Variants in LNPK observed in about 807,000 individuals in gnomAD.
LNPK encodes endoplasmic reticulum junction formation protein lunapark.
In LNPK, 29 loss-of-function variants were observed where a neutral mutation model predicts 55.2. The observed-to-expected ratio is 0.53, with a 90% confidence interval of 0.39 to 0.72. The LOEUF (loss-of-function observed/expected upper bound fraction) is 0.72, where lower values mean the gene tolerates loss of function less well. LNPK is among the 30% of genes least tolerant of loss of function. LNPK has a pLI of 0.00. For synonymous variants in LNPK, 162 were observed against 168.2 expected (o/e 0.96, Z 0.29); for missense variants, 467 against 494.8 (o/e 0.94, Z 0.53).
chr2:175,994,319 C>T lies in LNPK; in HGVS notation c.28-1096G>A, dbSNP rs2105363555. 7.1e-6 allele frequency: 7 copies of T among 984,364 alleles called. No homozygotes were observed. In the South Asian group the frequency reaches 3.3e-4, roughly 46 times the overall value. The allele number at this position is 984,364 out of a possible 1,614,324, so 61.0% of individuals were successfully genotyped here. On this transcript the variant is annotated intron_variant, in intron 2 of 12. Transcript: ENST00000272748. ...CAAAACAAGAAGAGATAAATTTGATCCTTGGGCAGATTATTATAAGGTCAT... is the reference window on the plus strand; with the variant it reads ...CAAAACAAGAAGAGATAAATTTGATTCTTGGGCAGATTATTATAAGGTCAT...
intron 4 of LNPK, among the ~76,000 whole-genome samples, chr2:175,990,886 G>A (rs1687671096): frequency 6.6e-6 from 1 of 151,952 alleles, no homozygotes; most frequent in Non-Finnish European, 1.5e-5. Flanking sequence ...AGAAAAATCA[G>A]AAGGACACAG....
At chr2:175,994,914 ATTTT>A (rs35432943) in intron 2 of LNPK, among the ~76,000 whole-genome samples, 4 of 88,504 alleles carry the variant, frequency 4.5e-5, no homozygotes, top group African/African-American at 8.5e-5. Context: ...CTTGTATAGA[ATTTT>A]TTTTTTTTTT....
rs1263013363 is a variant in LNPK at position 175,925,664 on chromosome 2, T to TC, written c.*4302dup. On this transcript the variant is annotated 3_prime_UTR_variant, in exon 13 of 13. Transcript: ENST00000272748. ...AATGGCGTGGCAGATTCATTTTCTT[T>TC]CTTTCTTTTTTTTTTTTGAGATGGA... is the stretch of plus-strand genomic sequence containing the variant. 1.9e-5 allele frequency: 3 copies of TC among 153,974 alleles called. No homozygotes were observed. The highest frequency in any genetic ancestry group is 4.2e-5 in the Non-Finnish European group (3 of 70,880). 9.5% of individuals were successfully genotyped at this position (153,974 alleles called of 1,614,324 possible).
chr2:175,952,544 C>G (rs1685475342), intron 8 of LNPK, among the ~76,000 whole-genome samples: 1 of 151,956 alleles, frequency 6.6e-6, no homozygotes, highest in South Asian at 2.1e-4. Context: ...GTCACTGTAT[C>G]TTCTGTTCAC....
chr2:175,990,637 TTC>T (rs1301962554), intron 4 of LNPK, among the ~76,000 whole-genome samples: 1 of 152,216 alleles, frequency 6.6e-6, no homozygotes, highest in Non-Finnish European at 1.5e-5. Flanking sequence ...GTGTTAAGTC[TTC>T]TTTCTTTTTA....
chr2:175,967,746 T>C, intron 6 of LNPK: 4 of 974,120 alleles, frequency 4.1e-6, no homozygotes, highest in Non-Finnish European at 4.9e-6. Context: ...CATATAAGAG[T>C]ATTCCACAAT....
intron 4 of LNPK, among the ~76,000 whole-genome samples, chr2:175,986,570 GT>G (rs766025951): frequency 2.0e-5 from 3 of 152,018 alleles, no homozygotes; most frequent in African/African-American, 7.2e-5. Flanking sequence ...ATAAAGAAAA[GT>G]TTTTGGATGT....
At position 175,995,105 on chromosome 2, in the gene LNPK, A is replaced by G. The variant is rs188873872; in HGVS notation, c.27+453T>C. On this transcript the variant is annotated intron_variant, in intron 2 of 12. Transcript: ENST00000272748. ...CCCAGCTAATTTTTGTATTTTTAGT[A>G]GAGACGGGGTTTCACCATGTTGGCC... 2.7e-3 allele frequency among the ~76,000 whole-genome samples: 416 copies of G among 152,000 alleles called. 2 individuals carry two copies. The highest frequency in any genetic ancestry group is 9.4e-3 in the African/African-American group (390 of 41,436).
At chr2:175,949,124 T>G (rs549343833) in intron 8 of LNPK, among the ~76,000 whole-genome samples, 23 of 152,144 alleles carry the variant, frequency 1.5e-4, no homozygotes, top group Non-Finnish European at 2.8e-4. Context: ...TTCCATTGGT[T>G]CACAATTTAG....
In LNPK at chr2:175,929,157, A is replaced by G; in HGVS notation, c.*810T>C. ...ATTTTCATTTTCCTTAATAAAATACAAACAAGAGCACAAAATTCACTTATA... is the reference window on the plus strand; with the variant it reads ...ATTTTCATTTTCCTTAATAAAATACGAACAAGAGCACAAAATTCACTTATA... On this transcript the variant is annotated 3_prime_UTR_variant, in exon 13 of 13. Coordinates refer to ENST00000272748, the MANE Select transcript of LNPK (RefSeq NM_030650.3). 2 of 978,984 alleles carry G rather than the reference A, an allele frequency of 2.0e-6. No homozygotes were observed. The highest frequency in any genetic ancestry group is 2.4e-6 in the Non-Finnish European group (2 of 823,610). The allele number at this position is 978,984 out of a possible 1,614,324, so 60.6% of individuals were successfully genotyped here. A position where few individuals can be genotyped will look rare whatever the true frequency, so the allele number is the denominator to read the frequency against.
At position 175,929,530 on chromosome 2, in the gene LNPK, A is replaced by G. The variant is rs186520089; in HGVS notation, c.*437T>C. 1 of 993,934 alleles carries G rather than the reference A, an allele frequency of 1.0e-6. No homozygotes were observed. The highest frequency in any genetic ancestry group is 1.1e-4 in the East Asian group (1 of 9,326). 61.6% of individuals were successfully genotyped at this position (993,934 alleles called of 1,614,324 possible). A position where few individuals can be genotyped will look rare whatever the true frequency, so the allele number is the denominator to read the frequency against. ...AGTTGTAAATATCTCAGGAGCTAAA[A>G]TTCTATCAATTTTTAATAATGAAGT... On this transcript the variant is annotated 3_prime_UTR_variant, in exon 13 of 13. Coordinates refer to ENST00000272748, the MANE Select transcript of LNPK (RefSeq NM_030650.3).
At chr2:175,993,517 G>C (rs2105723989) in intron 2 of LNPK, among the ~76,000 whole-genome samples, 1 of 152,246 alleles carries the variant, frequency 6.6e-6, no homozygotes, top group African/African-American at 2.4e-5. Flanking sequence ...CACCGTTCTA[G>C]AAAGAAACAA....
At chr2:175,955,548 C>T (rs1294008146) in intron 8 of LNPK, among the ~76,000 whole-genome samples, 1 of 152,148 alleles carries the variant, frequency 6.6e-6, no homozygotes, top group African/African-American at 2.4e-5. Context: ...ACAATTGTAA[C>T]AGTATGAATT....
chr2:175,937,599 G>T, intron 11 of LNPK, 85 bp from the exon 12 acceptor site: 1 of 941,730 alleles, frequency 1.1e-6, no homozygotes, highest in Non-Finnish European at 1.6e-6. Context: ...GATCACTTTT[G>T]CAGATATTCA....
chr2:175,959,030 A>G (rs549675866), intron 8 of LNPK, among the ~76,000 whole-genome samples: 36 of 152,366 alleles, frequency 2.4e-4, no homozygotes, highest in Non-Finnish European at 2.8e-4. Context: ...AAGAGTAAAA[A>G]GAAATGAACA....
intron 11 of LNPK, chr2:175,937,925 C>G (rs1423816356): frequency 5.7e-6 from 1 of 176,544 alleles, no homozygotes; most frequent in African/African-American, 2.4e-5. Flanking sequence ...GAAGCATTTT[C>G]AATTTACCAC....
rs572825103 is a variant in LNPK, at chr2:175,976,608, C to T, written c.316+3202G>A. Among the ~76,000 whole-genome samples, 7 of 152,286 alleles carry T rather than the reference C, an allele frequency of 4.6e-5. No individual in the cohort carries two copies. In the East Asian group the frequency reaches 1.4e-3, roughly 29 times the overall value. ...TGGCCCTCAGCCAATCAGCTGAAGGCCTGAATAGAACAAAAAGTTTGCTTC... is the reference window on the plus strand; with the variant it reads ...TGGCCCTCAGCCAATCAGCTGAAGGTCTGAATAGAACAAAAAGTTTGCTTC... On this transcript the variant is annotated intron_variant, in intron 5 of 12. Transcript: ENST00000272748.
chr2:175,948,601 T>C (rs1685257801), intron 8 of LNPK, among the ~76,000 whole-genome samples: 1 of 152,252 alleles, frequency 6.6e-6, no homozygotes, highest in African/African-American at 2.4e-5. Flanking sequence ...AGTGGTAAGA[T>C]TTCACATAAA....
At chr2:175,950,577 T>C (rs1056254114) in intron 8 of LNPK, among the ~76,000 whole-genome samples, 2 of 152,126 alleles carry the variant, frequency 1.3e-5, no homozygotes, top group African/African-American at 4.8e-5. Context: ...TTAAAACTAC[T>C]ATATTAAACA....
Sources: allele counts gnomAD v4.1 joint callset (sites outside exome capture counted in the v4.1 genomes callset), GRCh38; gene constraint gnomAD v4.1.1; transcripts MANE v1.5; gene names NCBI Gene and HGNC (gene_info 2026-07-23, HGNC 2026-07-21).